LPCAT1: variants seen among roughly 807,000 people sequenced by gnomAD.
The protein encoded by LPCAT1 is 1-acylglycerol-3-phosphate O-acyltransferase.
LPCAT1 carries 23 observed loss-of-function variants against 60.9 expected under a neutral mutation model. The observed-to-expected ratio is 0.38, with a 90% CI of 0.27 to 0.53. The LOEUF is 0.53. Ranked by LOEUF, LPCAT1 falls within the 20% of genes least tolerant of loss-of-function variation. The pLI is 0.82. For synonymous variants in LPCAT1, 340 were observed against 301.1 expected (o/e 1.13, Z -1.34); for missense variants, 622 against 723.6 (o/e 0.86, Z 1.61).
rs111614945 is a variant in LPCAT1 at position 1,518,577 on chromosome 5, T to C, written c.135+5133A>G. ...GGATGGTCTCGATCTCCCGACCTCA[T>C]GATCCGCCCGCCTCGGCCTCCCAAA... On this transcript the variant is annotated intron_variant, in intron 1 of 13. Transcript: ENST00000283415. 4.5e-3 allele frequency among the ~76,000 whole-genome samples: 679 copies of C among 152,342 alleles called. 8 individuals are homozygous for C. Among genetic ancestry groups the C allele is most frequent in the African/African-American group, 0.016 (660 of 41,590 alleles).
chr5:1,470,428 C>T (rs965803085), intron 12 of LPCAT1, among the ~76,000 whole-genome samples: 2 of 152,308 alleles, frequency 1.3e-5, no homozygotes, highest in South Asian at 4.1e-4. Flanking sequence ...ATGTTGTAGC[C>T]CCTGGGGTTA....
Position 1,496,851 on chromosome 5 carries a change from G to A in LPCAT1, c.279-1937C>T, listed in dbSNP as rs1735813015. On this transcript the variant is annotated intron_variant, in intron 2 of 13. Coordinates refer to ENST00000283415, the MANE Select transcript of LPCAT1 (RefSeq NM_024830.5). The surrounding 1 kb of genome is among the most constrained non-coding windows in gnomAD (Gnocchi z 4.7). ...GGACCCAGCACCCACTCACCCCAAG[G>A]CAAAGGGAGCCAGCACAAGCCCAGG... Among the ~76,000 whole-genome samples, 1 of 152,218 alleles carries A rather than the reference G, an allele frequency of 6.6e-6. No individual in the cohort carries two copies. Among genetic ancestry groups the A allele is most frequent in the African/African-American group, 2.4e-5 (1 of 41,442 alleles).
At chr5:1,465,729 TACTG>T (rs1271612517) in intron 13 of LPCAT1, among the ~76,000 whole-genome samples, 1 of 151,756 alleles carries the variant, frequency 6.6e-6, no homozygotes, top group African/African-American at 2.4e-5. Context: ...ACGCTTTCAA[TACTG>T]AAACAAGCAT....
At chr5:1,473,826 G>C in intron 11 of LPCAT1, 131 bp downstream of exon 11, 1 of 1,035,138 alleles carries the variant, frequency 9.7e-7, no homozygotes. Flanking sequence ...AGGGTGGGGT[G>C]GTGATGGGTG....
rs959292312 is a variant in LPCAT1 at position 1,479,655 on chromosome 5, G to A, written c.782C>T (p.Thr261Met). 1 of 1,612,306 alleles carries A rather than the reference G, an allele frequency of 6.2e-7. No individual in the cohort carries two copies. Among genetic ancestry groups the A allele is most frequent in the Non-Finnish European group, 8.5e-7 (1 of 1,178,348 alleles). Reference protein sequence around the residue: ...GPGALEILWLTLCQFHNQVEI... With the variant: ...GPGALEILWLMLCQFHNQVEI... ...CACTTGGTTGTGAAACTGACACAGC[G>A]TGAGCCACAGGATTTCCAGCCTTAA... Residue 261 changes from threonine (T) to methionine (M), a missense_variant, in exon 8 of 14, where the codon ACG becomes ATG. Transcript: ENST00000283415.
chr5:1,463,668 G>C lies in LPCAT1; in HGVS notation c.1588C>G (p.Arg530Gly), dbSNP rs1184972718. The C allele has an allele frequency of 1.9e-6, 3 of 1,614,182 alleles. No individual in the cohort carries two copies. Among genetic ancestry groups the C allele is most frequent in the African/African-American group, 1.3e-5 (1 of 75,068 alleles). ...CCTGGGTCCTAATCCAGCTTCTTGC[G>C]AACAGGCTTCCGCCCAGCGTCTGAG... is the stretch of plus-strand genomic sequence containing the variant. ...ENSDAGRKPVRKKLD is the reference protein window; with the variant it reads ...ENSDAGRKPVGKKLD Residue 530 changes from arginine to glycine, a missense_variant, in exon 14 of 14, where the codon CGC (arginine) becomes GGC (glycine). By Grantham distance (125) the Arg-to-Gly change is moderately radical (BLOSUM62 -2). Around this residue, in one of 3 missense-constraint regions of LPCAT1, gnomAD observed 288 missense variants for 283.6 expected, o/e 1.02. Transcript: ENST00000283415.
At chr5:1,494,411 T>C (rs917641264) in intron 3 of LPCAT1, among the ~76,000 whole-genome samples, 8 of 136,836 alleles carry the variant, frequency 5.8e-5, no homozygotes, top group African/African-American at 2.4e-4. Flanking sequence ...CCCAGCAGCG[T>C]GGTGGGGGGG....
rs559265357 is a variant in LPCAT1, at chr5:1,519,032, G to C, written c.135+4678C>G. ...ATGGCTCACGCCAGCCTGGCGTCCT[G>C]AAACAGACCCAGAAGCTGCAGAGTT... is the stretch of plus-strand genomic sequence containing the variant. On this transcript the variant is annotated intron_variant, in intron 1 of 13. Coordinates refer to ENST00000283415, the MANE Select transcript of LPCAT1 (RefSeq NM_024830.5). Among the ~76,000 whole-genome samples, 16 of 152,368 alleles carry C rather than the reference G, an allele frequency of 1.1e-4. No individual in the cohort carries two copies. The South Asian group carries it at 3.1e-3, about 30-fold the overall frequency.
At chr5:1,485,085 C>G (rs562628602) in intron 5 of LPCAT1, among the ~76,000 whole-genome samples, 1 of 152,156 alleles carries the variant, frequency 6.6e-6, no homozygotes, top group East Asian at 1.9e-4. Flanking sequence ...CGTGGAGTGC[C>G]GAGACCTGCT....
intron 4 of LPCAT1, 85 bp downstream of exon 4, chr5:1,489,661 G>T: frequency 1.0e-6 from 1 of 991,778 alleles, no homozygotes; most frequent in Non-Finnish European, 1.6e-6. Flanking sequence ...CCGGAGGAAG[G>T]GCCCCAGTTT....
intron 11 of LPCAT1, among the ~76,000 whole-genome samples, chr5:1,473,012 G>T (rs1360959788): frequency 6.6e-6 from 1 of 151,522 alleles, no homozygotes; most frequent in Non-Finnish European, 1.5e-5. Flanking sequence ...TCCAACCAGG[G>T]AGTCCTTCCT....
In LPCAT1 at chr5:1,463,727, G is replaced by A. The variant is rs368316464; in HGVS notation, c.1529C>T (p.Pro510Leu). The A allele has an allele frequency of 1.1e-4, 177 of 1,614,280 alleles. No individual in the cohort carries two copies. The South Asian group carries it at 1.9e-3, about 17-fold the overall frequency. Reference sequence around the variant, plus strand: ...GCTGAAATCGGCACAGAAGCCGTTTGGGATTGGCGCAGGTGAGGTCTCTGC... The same window carrying A: ...GCTGAAATCGGCACAGAAGCCGTTTAGGATTGGCGCAGGTGAGGTCTCTGC... ...SCAETSPAPI[P>L]NGFCADFSPE... Residue 510 changes from proline to leucine, a missense_variant, in exon 14 of 14, where the codon CCA becomes CTA. Around this residue, in one of 3 missense-constraint regions of LPCAT1, gnomAD observed 288 missense variants for 283.6 expected, o/e 1.02. Coordinates refer to ENST00000283415, the MANE Select transcript of LPCAT1 (RefSeq NM_024830.5).
intron 1 of LPCAT1, among the ~76,000 whole-genome samples, chr5:1,503,862 C>A (rs1736102991): frequency 3.3e-5 from 5 of 152,152 alleles, no homozygotes; most frequent in Admixed American, 3.3e-4. Flanking sequence ...AGTGAAGTTG[C>A]CCGCCACACT....
Position 1,472,415 on chromosome 5 carries a change from G to T in LPCAT1, c.1180-1491C>A, listed in dbSNP as rs116648574. ...TTGTGCTACGCCACACCCCTTGCAA[G>T]GCATGGGGTACTGGGACTGGGGCTT... On this transcript the variant is annotated intron_variant, in intron 11 of 13. Transcript: ENST00000283415. 5.0e-3 allele frequency among the ~76,000 whole-genome samples: 754 copies of T among 152,134 alleles called. 8 individuals carry two copies. The highest frequency in any genetic ancestry group is 0.017 in the African/African-American group (713 of 41,462).
At chr5:1,490,202 T>A (rs1735523731) in intron 3 of LPCAT1, among the ~76,000 whole-genome samples, 1 of 152,170 alleles carries the variant, frequency 6.6e-6, no homozygotes, top group Admixed American at 6.5e-5. Flanking sequence ...GAGGACAGGG[T>A]TGAAGGTGCC....
rs550227614 is a variant in LPCAT1, at chr5:1,480,695, C to T, written c.761+247G>A. On this transcript the variant is annotated intron_variant, in intron 7 of 13. Transcript: ENST00000283415. This position sits in a 1 kb window ranked among gnomAD's most constrained non-coding sequence, Gnocchi z 6.4. ...TTACTGAGCTGGCAAACTCGAGAGC[C>T]GAATGCAAGACTCACAGTTCCCTTC... 4.1e-4 allele frequency among the ~76,000 whole-genome samples: 62 copies of T among 152,282 alleles called. No individual in the cohort carries two copies. Among genetic ancestry groups the T allele is most frequent in the Non-Finnish European group, 5.7e-4 (39 of 68,018 alleles).
chr5:1,495,167 C>T lies in LPCAT1; in HGVS notation c.279-253G>A, dbSNP rs1290378698. On this transcript the variant is annotated intron_variant, in intron 2 of 13. Transcript: ENST00000283415. The surrounding 1 kb of genome is among the most constrained non-coding windows in gnomAD (Gnocchi z 4.7). ...GGGGCCCTGTGTGGTGGTCACGGGC[C>T]ACGCGGCAGGCAGTGCTAAGACAAC... 6.6e-6 allele frequency among the ~76,000 whole-genome samples: 1 copy of T among 152,242 alleles called. No individual in the cohort carries two copies. Among genetic ancestry groups the T allele is most frequent in the African/African-American group, 2.4e-5 (1 of 41,464 alleles).
chr5:1,463,529 T>A lies in LPCAT1; in HGVS notation c.*122A>T, dbSNP rs1217943508. The stretch of plus-strand genomic sequence containing the variant: ...AAACAGCCCCCGAGGCCCCTGGAAC[T>A]CGGGCTGAAGACAGTGCCTGTACAG... On this transcript the variant is annotated 3_prime_UTR_variant, in exon 14 of 14. Coordinates refer to ENST00000283415, the MANE Select transcript of LPCAT1 (RefSeq NM_024830.5). 2.8e-6 allele frequency: 3 copies of A among 1,078,198 alleles called. No homozygotes were observed. The highest frequency in any genetic ancestry group is 2.7e-5 in the Admixed American group (1 of 36,724). 66.8% of individuals were successfully genotyped at this position (1,078,198 alleles called of 1,614,324 possible). A position where few individuals can be genotyped will look rare whatever the true frequency, so the allele number is the denominator to read the frequency against.
Position 1,483,116 on chromosome 5 carries a change from A to G in LPCAT1, c.726+312T>C, listed in dbSNP as rs1325909060. On this transcript the variant is annotated intron_variant, in intron 6 of 13. Transcript: ENST00000283415. This position sits in a 1 kb window ranked among gnomAD's most constrained non-coding sequence, Gnocchi z 9.2. The stretch of plus-strand genomic sequence containing the variant: ...CTCCAAAATGTCAGGTTTGGCACAC[A>G]GAGGAAAGGGCAGCTTTGTCAGGAG... Among the ~76,000 whole-genome samples the G allele has an allele frequency of 6.6e-6, 1 of 152,188 alleles. No homozygotes were observed. The highest frequency in any genetic ancestry group is 1.9e-4 in the East Asian group (1 of 5,186).
Sources: gnomAD v4.1 joint callset for allele counts (sites outside exome capture counted in the v4.1 genomes callset) on GRCh38, gnomAD v4.1.1 for gene constraint, gnomAD v4.1.1 regional missense constraint, Gnocchi (gnomAD v3.1) non-coding constraint, MANE v1.5 for transcripts, NCBI Gene and HGNC (gene_info 2026-07-23, HGNC 2026-07-21) for gene names.